SHC4: variants seen among roughly 807,000 people sequenced by gnomAD.
The protein encoded by SHC4 is SHC adaptor protein 4.
A neutral mutation model predicts 69.4 loss-of-function variants in SHC4; 41 were observed. The observed-to-expected ratio is 0.59, with a 90% CI of 0.46 to 0.77. The LOEUF is 0.77. Ranked by LOEUF, SHC4 falls within the 30% of genes least tolerant of loss-of-function variation. SHC4 has a pLI of 0.00. For synonymous variants in SHC4, 318 were observed against 299.3 expected (o/e 1.06, Z -0.64); for missense variants, 777 against 783.8 (o/e 0.99, Z 0.10).
In SHC4 at chr15:48,835,039, A is replaced by G. The variant is rs1235449482; in HGVS notation, c.1484-17T>C. On this transcript the variant is annotated splice_polypyrimidine_tract_variant and intron_variant, in intron 10 of 11. Transcript: ENST00000332408. ...CTGGTGCCTCTGAAGTCAGAACACA[A>G]AGAGAGACATCATCGAGTTACCTCT... 1.9e-6 allele frequency: 3 copies of G among 1,599,558 alleles called. No homozygotes were observed. The East Asian group carries it at 6.7e-5, about 36-fold the overall frequency.
At chr15:48,888,249 G>T (rs983200592) in intron 3 of SHC4, among the ~76,000 whole-genome samples, 1 of 151,970 alleles carries the variant, frequency 6.6e-6, no homozygotes, top group Non-Finnish European at 1.5e-5. Context: ...AAGCAAAATG[G>T]GTATATACAT....
intron 1 of SHC4, among the ~76,000 whole-genome samples, chr15:48,937,957 A>T (rs1241003978): frequency 1.3e-5 from 2 of 152,232 alleles, no homozygotes; most frequent in African/African-American, 4.8e-5. Context: ...ATTGAGATCT[A>T]AAAGTTGCAA....
At chr15:48,909,054 T>A (rs1900461021) in intron 2 of SHC4, among the ~76,000 whole-genome samples, 1 of 152,160 alleles carries the variant, frequency 6.6e-6, no homozygotes, top group South Asian at 2.1e-4. Context: ...TGCATAGGAA[T>A]TTTAGAATTG....
intron 5 of SHC4, among the ~76,000 whole-genome samples, chr15:48,870,417 GA>G (rs2140992510): frequency 6.6e-6 from 1 of 152,314 alleles, no homozygotes; most frequent in African/African-American, 2.4e-5. Context: ...ATTTCTTGGG[GA>G]AAAGGTGGAA....
intron 2 of SHC4, among the ~76,000 whole-genome samples, chr15:48,921,189 A>G (rs1250210035): frequency 6.6e-6 from 1 of 152,214 alleles, no homozygotes; most frequent in Non-Finnish European, 1.5e-5. Flanking sequence ...ACATTGTGCT[A>G]AAGGAAATAA....
intron 10 of SHC4, 98 bp from the exon 11 acceptor site, chr15:48,835,120 G>C (rs1898876860): frequency 2.8e-6 from 4 of 1,412,268 alleles, no homozygotes; most frequent in African/African-American, 1.4e-5. Context: ...AGGTCCTACT[G>C]TGTGCCAGCC....
intron 2 of SHC4, among the ~76,000 whole-genome samples, chr15:48,906,244 C>A (rs1900403447): frequency 6.6e-6 from 1 of 152,176 alleles, no homozygotes; most frequent in Non-Finnish European, 1.5e-5. Flanking sequence ...AATTAACTCA[C>A]TGCTATAATA....
rs1232582783 is a variant in SHC4, at chr15:48,892,077, G to C, written c.657-1266C>G. Reference sequence around the variant, plus strand: ...TCACCGTGTTAGCCAGGATGGTCTCGATCTCCTGACCTCGTTATCCGCCCG... The same window carrying C: ...TCACCGTGTTAGCCAGGATGGTCTCCATCTCCTGACCTCGTTATCCGCCCG... On this transcript the variant is annotated intron_variant, in intron 2 of 11. Coordinates refer to ENST00000332408, the MANE Select transcript of SHC4 (RefSeq NM_203349.4). Among the ~76,000 whole-genome samples the C allele has an allele frequency of 1.1e-4, 17 of 152,060 alleles. No individual in the cohort carries two copies. The East Asian group carries it at 3.4e-3, about 30-fold the overall frequency.
At chr15:48,962,308 A>T in intron 1 of SHC4, 123 bp downstream of exon 1, 1 of 1,016,092 alleles carries the variant, frequency 9.8e-7, no homozygotes. Context: ...GCCTTGGTCC[A>T]GTTGAATCAT....
At chr15:48,854,218 T>C (rs1192857236) in intron 8 of SHC4, among the ~76,000 whole-genome samples, 1 of 152,210 alleles carries the variant, frequency 6.6e-6, no homozygotes, top group Admixed American at 6.5e-5. Context: ...TATGAAAAGA[T>C]GCTCAACATC....
At chr15:48,836,023 C>CAAAAAAAAAAAAA (rs57343981) in intron 10 of SHC4, among the ~76,000 whole-genome samples, 3 of 60,092 alleles carry the variant, frequency 5.0e-5, no homozygotes, top group Non-Finnish European at 8.7e-5. Context: ...ACAAAAAATC[C>CAAAAAAAAAAAAA]AAAAAAAAAA....
chr15:48,861,569 T>C (rs1018037105), intron 6 of SHC4, among the ~76,000 whole-genome samples: 2 of 152,200 alleles, frequency 1.3e-5, no homozygotes, highest in African/African-American at 4.8e-5. Flanking sequence ...ATTGCCCAAT[T>C]TTCAGCTAAA....
chr15:48,825,099 A>C lies in SHC4; in HGVS notation c.*872T>G, dbSNP rs534253286. On this transcript the variant is annotated 3_prime_UTR_variant, in exon 12 of 12. Coordinates refer to ENST00000332408, the MANE Select transcript of SHC4 (RefSeq NM_203349.4). Reference sequence around the variant, plus strand: ...GAAACCAATTTGAATAGTAAATATGAAGAATACTGGTTTTGTTTGCCCTCT... The same window carrying C: ...GAAACCAATTTGAATAGTAAATATGCAGAATACTGGTTTTGTTTGCCCTCT... The C allele has an allele frequency of 6.6e-6, 1 of 152,596 alleles. No homozygotes were observed. Among genetic ancestry groups the C allele is most frequent in the East Asian group, 1.9e-4 (1 of 5,184 alleles). 9.5% of individuals were successfully genotyped at this position (152,596 alleles called of 1,614,324 possible). A position where few individuals can be genotyped will look rare whatever the true frequency, so the allele number is the denominator to read the frequency against.
intron 10 of SHC4, among the ~76,000 whole-genome samples, chr15:48,840,214 C>T (rs1898966496): frequency 6.6e-6 from 1 of 152,186 alleles, no homozygotes; most frequent in Non-Finnish European, 1.5e-5. Context: ...AAATAAATGT[C>T]AGCCCTTTTT....
chr15:48,865,858 G>C (rs184920329), intron 6 of SHC4, among the ~76,000 whole-genome samples: 17 of 152,156 alleles, frequency 1.1e-4, no homozygotes, highest in Admixed American at 8.5e-4. Context: ...CACCAGAACA[G>C]GGGCTTTCAA....
intron 2 of SHC4, among the ~76,000 whole-genome samples, chr15:48,896,389 C>A (rs1190292525): frequency 6.6e-6 from 1 of 150,790 alleles, no homozygotes; most frequent in African/African-American, 2.4e-5. Flanking sequence ...GGCATGATCT[C>A]AGCTCACTGC....
intron 2 of SHC4, among the ~76,000 whole-genome samples, chr15:48,907,812 A>ATGTGTGTG (rs1900433392): frequency 1.4e-5 from 2 of 142,494 alleles, no homozygotes; most frequent in East Asian, 5.5e-4. Context: ...GAATGAATGA[A>ATGTGTGTG]TATGTGTGTG....
intron 6 of SHC4, among the ~76,000 whole-genome samples, chr15:48,866,314 T>C (rs1899559433): frequency 6.6e-6 from 1 of 152,222 alleles, no homozygotes; most frequent in African/African-American, 2.4e-5. Flanking sequence ...ATTCTTCTTA[T>C]TTAGTTTAGA....
At chr15:48,947,673 G>A (rs1389216669) in intron 1 of SHC4, among the ~76,000 whole-genome samples, 2 of 152,094 alleles carry the variant, frequency 1.3e-5, no homozygotes, top group Non-Finnish European at 2.9e-5. Context: ...TGTGGATAAA[G>A]TATCTTGGTT....
Sources: allele counts gnomAD v4.1 joint callset (sites outside exome capture counted in the v4.1 genomes callset), GRCh38; gene constraint gnomAD v4.1.1; transcripts MANE v1.5; gene names NCBI Gene and HGNC (gene_info 2026-07-23, HGNC 2026-07-21).